Variants in RHBDL2 observed in about 807,000 individuals in gnomAD.
RHBDL2 encodes rhomboid like 2, also known as rhomboid-related protein 2.
RHBDL2 carries 26 observed loss-of-function variants against 31.7 expected under a neutral mutation model. The ratio of observed to expected loss-of-function variants is 0.82; its 90% CI spans 0.60 to 1.14. RHBDL2 has a LOEUF of 1.14. RHBDL2 is among the 50% of genes most tolerant of loss of function. The pLI, the probability that RHBDL2 is intolerant of heterozygous loss-of-function variation, is 0.00. For missense variants in RHBDL2, 336 were observed against 364.4 expected (o/e 0.92, Z 0.63); for synonymous variants, 123 against 127.2 (o/e 0.97, Z 0.22).
Position 38,931,529 on chromosome 1 carries a change from A to G in RHBDL2, c.-126+10153T>C, listed in dbSNP as rs568878429. 5.4e-5 allele frequency among the ~76,000 whole-genome samples: 8 copies of G among 147,134 alleles called. 1 individual carries two copies. The East Asian group carries it at 1.2e-3, about 21-fold the overall frequency. On this transcript the variant is annotated intron_variant, in intron 1 of 7. Transcript: ENST00000372990. ...AGAGCGAGACTCCGTCTCAAAAAAAAAAAAGAAAAGAAAAAAGAAAAAAGA... is the reference window on the plus strand; with the variant it reads ...AGAGCGAGACTCCGTCTCAAAAAAAGAAAAGAAAAGAAAAAAGAAAAAAGA...
chr1:38,928,759 A>ATTT (rs973971510), intron 1 of RHBDL2, among the ~76,000 whole-genome samples: 2 of 151,866 alleles, frequency 1.3e-5, no homozygotes, highest in African/African-American at 4.8e-5. Context: ...TAAAAAAAAA[A>ATTT]TTTTAAATAA....
intron 6 of RHBDL2, among the ~76,000 whole-genome samples, chr1:38,890,039 CTT>C (rs767253851): frequency 1.7e-4 from 23 of 138,336 alleles, no homozygotes; most frequent in Non-Finnish European, 1.4e-4. Context: ...ATAATATTTT[CTT>C]TTTTTTTTTT....
At chr1:38,914,820 A>C (rs1557616862) in intron 3 of RHBDL2, among the ~76,000 whole-genome samples, 1 of 151,442 alleles carries the variant, frequency 6.6e-6, no homozygotes, top group East Asian at 2.0e-4. Flanking sequence ...ACCTGAGGTC[A>C]GAGTTCAAGA....
Position 38,940,401 on chromosome 1 carries a change from C to T in RHBDL2, c.-126+1281G>A, listed in dbSNP as rs144811075. Among the ~76,000 whole-genome samples the T allele has an allele frequency of 3.0e-3, 453 of 152,000 alleles. 1 individual carries two copies. Among genetic ancestry groups the T allele is most frequent in the African/African-American group, 0.01 (419 of 41,454 alleles). On this transcript the variant is annotated intron_variant, in intron 1 of 7. Transcript: ENST00000372990. ...TTATTTTATTTTTTAAAGACAAGGC[C>T]TCACTTTATTGCCCAGGCTGGTCTC...
chr1:38,909,233 C>T (rs1643110160), intron 4 of RHBDL2, among the ~76,000 whole-genome samples: 1 of 152,094 alleles, frequency 6.6e-6, no homozygotes, highest in South Asian at 2.1e-4. Context: ...ACAAAAATGT[C>T]CGTCCTCACC....
At chr1:38,924,362 A>T (rs1643348901) in intron 1 of RHBDL2, among the ~76,000 whole-genome samples, 2 of 152,166 alleles carry the variant, frequency 1.3e-5, no homozygotes, top group South Asian at 4.1e-4. Flanking sequence ...TGGGAGGCGG[A>T]GGCAGGCGGA....
At chr1:38,896,893 C>T (rs1231326475) in intron 4 of RHBDL2, among the ~76,000 whole-genome samples, 1 of 151,976 alleles carries the variant, frequency 6.6e-6, no homozygotes, top group Non-Finnish European at 1.5e-5. Flanking sequence ...AATACAGTAC[C>T]TATTTTGTGC....
At chr1:38,911,463 A>G (rs756169836) in intron 3 of RHBDL2, 29 bp from the exon 4 acceptor site, 2 of 1,445,916 alleles carry the variant, frequency 1.4e-6, no homozygotes, top group Non-Finnish European at 1.9e-6. Context: ...GTTGTCAAAT[A>G]TTATGACTAA....
chr1:38,932,395 A>T (rs1643448008), intron 1 of RHBDL2, among the ~76,000 whole-genome samples: 1 of 152,208 alleles, frequency 6.6e-6, no homozygotes, highest in Non-Finnish European at 1.5e-5. Flanking sequence ...AGAACTGCTC[A>T]GCTGAACCCT....
intron 1 of RHBDL2, among the ~76,000 whole-genome samples, chr1:38,928,870 G>C (rs926909166): frequency 1.3e-5 from 2 of 152,094 alleles, no homozygotes; most frequent in Non-Finnish European, 2.9e-5. Context: ...AGACCAGCCT[G>C]GGCAACACAG....
intron 4 of RHBDL2, among the ~76,000 whole-genome samples, chr1:38,909,284 G>T (rs948702136): frequency 6.6e-6 from 1 of 152,118 alleles, no homozygotes; most frequent in South Asian, 2.1e-4. Context: ...GCCCTAGCCA[G>T]GCACTATGCC....
At chr1:38,940,705 C>T (rs1159806072) in intron 1 of RHBDL2, among the ~76,000 whole-genome samples, 1 of 152,150 alleles carries the variant, frequency 6.6e-6, no homozygotes, top group Non-Finnish European at 1.5e-5. Context: ...AGCCTGGCAC[C>T]CAGCTTGGTA....
chr1:38,907,640 G>A (rs1325073838), intron 4 of RHBDL2, among the ~76,000 whole-genome samples: 4 of 152,218 alleles, frequency 2.6e-5, no homozygotes, highest in Non-Finnish European at 2.9e-5. Context: ...GCCCAAGGCC[G>A]GAGGATCACT....
At chr1:38,929,940 C>T (rs1006929054) in intron 1 of RHBDL2, among the ~76,000 whole-genome samples, 6 of 152,180 alleles carry the variant, frequency 3.9e-5, no homozygotes, top group African/African-American at 9.7e-5. Flanking sequence ...TCTGAGGATA[C>T]ACTTGGAATA....
chr1:38,928,090 T>G (rs1281745119), intron 1 of RHBDL2, among the ~76,000 whole-genome samples: 1 of 151,972 alleles, frequency 6.6e-6, no homozygotes, highest in East Asian at 1.9e-4. Flanking sequence ...AGATCCTGTC[T>G]CTGAAATAAA....
intron 4 of RHBDL2, among the ~76,000 whole-genome samples, chr1:38,898,039 G>A (rs1486560894): frequency 2.0e-4 from 31 of 152,198 alleles, no homozygotes; most frequent in Admixed American, 2.0e-3. Context: ...GCTGAGGCAG[G>A]AGAATAGCTT....
intron 1 of RHBDL2, among the ~76,000 whole-genome samples, chr1:38,928,781 C>T (rs1643407989): frequency 6.6e-6 from 1 of 152,094 alleles, no homozygotes; most frequent in Non-Finnish European, 1.5e-5. Flanking sequence ...AAATAATGGG[C>T]CAGGCATGGT....
At chr1:38,933,512 T>G (rs981873692) in intron 1 of RHBDL2, among the ~76,000 whole-genome samples, 2 of 152,198 alleles carry the variant, frequency 1.3e-5, no homozygotes, top group African/African-American at 4.8e-5. Flanking sequence ...TTTGCTGAAT[T>G]AACAATCCCA....
At chr1:38,930,715 C>G (rs767231282) in intron 1 of RHBDL2, among the ~76,000 whole-genome samples, 6 of 152,194 alleles carry the variant, frequency 3.9e-5, no homozygotes, top group Non-Finnish European at 7.3e-5. Context: ...AAACAGTGAC[C>G]CTGAGCCACT....
Sources: allele counts gnomAD v4.1 joint callset (sites outside exome capture counted in the v4.1 genomes callset), GRCh38; gene constraint gnomAD v4.1.1; transcripts MANE v1.5; gene names NCBI Gene and HGNC (gene_info 2026-07-23, HGNC 2026-07-21).